The following PYROXD1 variants were observed in gnomAD, a reference collection of about 807,000 sequenced individuals.
PYROXD1 encodes pyridine nucleotide-disulphide oxidoreductase domain 1.
PYROXD1 carries 42 observed loss-of-function variants against 62.0 expected under a neutral mutation model. The ratio of observed to expected loss-of-function variants is 0.68; its 90% CI spans 0.53 to 0.88. The LOEUF is 0.88. Ranked by LOEUF, PYROXD1 falls within the 40% of genes least tolerant of loss-of-function variation. The probability of loss-of-function intolerance (pLI) is 0.00; values close to 1 mark genes in which losing one functional copy is unlikely to be tolerated. For synonymous variants in PYROXD1, 170 were observed against 206.4 expected (o/e 0.82, Z 1.51); for missense variants, 493 against 604.8 (o/e 0.82, Z 1.94).
chr12:21,466,038 G>A (rs188345995), intron 10 of PYROXD1, among the ~76,000 whole-genome samples: 123 of 152,152 alleles, frequency 8.1e-4, no homozygotes, highest in Middle Eastern at 3.4e-3. Context: ...CTCTGTTTTG[G>A]TACCAGTACC....
At chr12:21,467,417 G>A (rs1942817987) in intron 10 of PYROXD1, 64 bp from the exon 11 acceptor site, 2 of 1,477,302 alleles carry the variant, frequency 1.4e-6, no homozygotes, top group East Asian at 2.4e-5. Flanking sequence ...AATTTACAAG[G>A]TTAACATTTT....
chr12:21,455,041 CT>C, intron 5 of PYROXD1, 90 bp from the exon 6 acceptor site: 1 of 635,000 alleles, frequency 1.6e-6, no homozygotes, highest in Non-Finnish European at 2.4e-6. Flanking sequence ...GTATTCCCTA[CT>C]TTTGCTTCAG....
chr12:21,457,781 G>A (rs1405194258), intron 7 of PYROXD1, among the ~76,000 whole-genome samples: 2 of 74,118 alleles, frequency 2.7e-5, no homozygotes, highest in Non-Finnish European at 5.9e-5. Flanking sequence ...CACTAAGGAT[G>A]GTGCTAAACT....
At chr12:21,460,614 G>T (rs1351325516) in intron 7 of PYROXD1, among the ~76,000 whole-genome samples, 5 of 151,798 alleles carry the variant, frequency 3.3e-5, no homozygotes, top group Admixed American at 6.6e-5. Flanking sequence ...GTAGAGACAG[G>T]GTTTCACCAT....
chr12:21,441,310 A>G (rs1404777132), intron 2 of PYROXD1: 1 of 152,232 alleles, frequency 6.6e-6, no homozygotes, highest in African/African-American at 2.4e-5. Context: ...GGTGTGAGCC[A>G]CCGCGCCCAG....
intron 1 of PYROXD1, chr12:21,438,128 C>T (rs536190214): frequency 8.9e-6 from 3 of 338,254 alleles, no homozygotes; most frequent in Admixed American, 4.6e-5. Flanking sequence ...AATTCAGCCC[C>T]CTTTCTTTTT....
At chr12:21,458,204 G>A (rs914263231) in intron 7 of PYROXD1, among the ~76,000 whole-genome samples, 1 of 152,076 alleles carries the variant, frequency 6.6e-6, no homozygotes, top group Non-Finnish European at 1.5e-5. Context: ...GTATATTTTT[G>A]TTGTAGAGAT....
At position 21,445,558 on chromosome 12, in the gene PYROXD1, C is replaced by G. The variant is rs74064945; in HGVS notation, c.285+92C>G. 3.6e-3 allele frequency: 4,487 copies of G among 1,253,390 alleles called. 78 individuals are homozygous for G. In the African/African-American group the frequency reaches 0.046, roughly 13 times the overall value. The allele number at this position is 1,253,390 out of a possible 1,614,324, so 77.6% of individuals were successfully genotyped here. On this transcript the variant is annotated intron_variant, in intron 3 of 11. Coordinates refer to ENST00000240651, the MANE Select transcript of PYROXD1 (RefSeq NM_024854.5). ...TTTCACTCCAGCTCTACTACCACCA[C>G]CATTTAAGTTTTTAACATGTAAAGT... is the stretch of plus-strand genomic sequence containing the variant.
intron 10 of PYROXD1, among the ~76,000 whole-genome samples, chr12:21,465,948 G>C (rs1366293070): frequency 3.9e-5 from 6 of 152,092 alleles, no homozygotes; most frequent in Admixed American, 1.3e-4. Flanking sequence ...TCTTCTTTTT[G>C]TCAGGTTTGT....
chr12:21,460,634 G>C (rs1359980941), intron 7 of PYROXD1, among the ~76,000 whole-genome samples: 1 of 152,048 alleles, frequency 6.6e-6, no homozygotes, highest in Non-Finnish European at 1.5e-5. Flanking sequence ...TATAGGCCAG[G>C]CTAGTCTTGA....
chr12:21,442,563 C>T (rs772170589), intron 2 of PYROXD1, among the ~76,000 whole-genome samples: 12 of 152,164 alleles, frequency 7.9e-5, no homozygotes, highest in Admixed American at 2.0e-4. Context: ...CAGTATGGGC[C>T]GTAGAACCTG....
chr12:21,452,017 C>T, intron 4 of PYROXD1, 64 bp from the exon 5 acceptor site: 1 of 937,122 alleles, frequency 1.1e-6, no homozygotes, highest in Non-Finnish European at 1.7e-6. Context: ...TTATCGAAGC[C>T]TCATATTTCA....
chr12:21,440,082 A>C (rs986582529), intron 1 of PYROXD1, among the ~76,000 whole-genome samples: 10 of 152,224 alleles, frequency 6.6e-5, no homozygotes, highest in Non-Finnish European at 1.2e-4. Flanking sequence ...GGTATAAAAA[A>C]TAGTTGAAGT....
chr12:21,452,227 C>A, intron 5 of PYROXD1, 73 bp downstream of exon 5: 1 of 962,000 alleles, frequency 1.0e-6, no homozygotes, highest in Non-Finnish European at 1.4e-6. Flanking sequence ...TAAACAATTG[C>A]TTTGTGATTC....
intron 7 of PYROXD1, chr12:21,457,137 C>G (rs535674040): frequency 4.5e-5 from 12 of 268,354 alleles, no homozygotes; most frequent in African/African-American, 2.1e-4. Context: ...TTTTGACTTA[C>G]TCCCTTGAAT....
At chr12:21,439,958 T>C (rs1648584607) in intron 1 of PYROXD1, among the ~76,000 whole-genome samples, 1 of 152,226 alleles carries the variant, frequency 6.6e-6, no homozygotes, top group Non-Finnish European at 1.5e-5. Context: ...GGGTTTGCTT[T>C]AATTTCATCC....
intron 10 of PYROXD1, among the ~76,000 whole-genome samples, chr12:21,465,714 T>TAGA (rs1466030305): frequency 2.6e-5 from 4 of 152,250 alleles, no homozygotes; most frequent in African/African-American, 9.6e-5. Flanking sequence ...CCATTGCTTT[T>TAGA]GGTGTTTTAG....
chr12:21,448,200 T>C lies in PYROXD1; in HGVS notation c.286-1363T>C, dbSNP rs182824812. The C allele has an allele frequency of 5.3e-5, 32 of 608,364 alleles. No homozygotes were observed. The East Asian group carries it at 6.1e-4, about 12-fold the overall frequency. 37.7% of individuals were successfully genotyped at this position (608,364 alleles called of 1,614,324 possible). ...GGCATCAGGGCCTTCACAGCCACCA[T>C]AGGTTTTCTCTTCCCCATCCATTTT... On this transcript the variant is annotated intron_variant, in intron 3 of 11. Coordinates refer to ENST00000240651, the MANE Select transcript of PYROXD1 (RefSeq NM_024854.5).
At chr12:21,467,738 A>T (rs1942828424) in intron 11 of PYROXD1, 120 bp downstream of exon 11, 2 of 791,510 alleles carry the variant, frequency 2.5e-6, no homozygotes, top group Non-Finnish European at 4.0e-6. Context: ...CAAAAAAATG[A>T]CATTTTTCAT....
Sources: gnomAD v4.1 joint callset for allele counts (sites outside exome capture counted in the v4.1 genomes callset) on GRCh38, gnomAD v4.1.1 for gene constraint, MANE v1.5 for transcripts, NCBI Gene and HGNC (gene_info 2026-07-23, HGNC 2026-07-21) for gene names.